Variants in BCAS3 observed in about 807,000 individuals in gnomAD.
The protein encoded by BCAS3 is BCAS3 microtubule associated cell migration factor, also known as BCAS4/BCAS3 fusion.
In BCAS3, 53 loss-of-function variants were observed where a neutral mutation model predicts 116.1. The observed-to-expected ratio is 0.46, with a 90% CI of 0.37 to 0.57. BCAS3 has a LOEUF of 0.57. Among genes scored for constraint, BCAS3 ranks in the 20% least tolerant of loss-of-function variants. The pLI, the probability that BCAS3 is intolerant of heterozygous loss-of-function variation, is 0.00. For synonymous variants in BCAS3, 391 were observed against 408.2 expected, an observed-to-expected ratio of 0.96 and a Z score of 0.51; for missense variants, 917 against 1,165.4, an observed-to-expected ratio of 0.79 and a Z score of 3.10.
chr17:60,872,079 T>A (rs1262735066), intron 8 of BCAS3, among the ~76,000 whole-genome samples: 1 of 152,082 alleles, frequency 6.6e-6, no homozygotes, highest in East Asian at 1.9e-4. Flanking sequence ...TTCAGCTCTT[T>A]TGTTACTATA....
chr17:61,272,622 G>A (rs2050381045), intron 22 of BCAS3, among the ~76,000 whole-genome samples: 1 of 96,386 alleles, frequency 1.0e-5, no homozygotes, highest in Admixed American at 1.7e-4. Flanking sequence ...TGGTGACAGA[G>A]TGAAACCCTG....
rs1017117017 is a variant in BCAS3 at position 61,161,608 on chromosome 17, G to A, written c.2425+77044G>A. On this transcript the variant is annotated intron_variant, in intron 22 of 23. Coordinates refer to ENST00000407086, the MANE Select transcript of BCAS3 (RefSeq NM_017679.5). This position sits in a 1 kb window ranked among gnomAD's most constrained non-coding sequence, Gnocchi z 4.8. ...CACATTTCTGAATGAAAAGATAGAC[G>A]ATGTCTTTATTTTAAACAATCTAGT... Among the ~76,000 whole-genome samples the A allele has an allele frequency of 3.3e-5, 5 of 152,014 alleles. No individual in the cohort carries two copies. The highest frequency in any genetic ancestry group is 1.2e-4 in the African/African-American group (5 of 41,374).
Position 60,910,526 on chromosome 17 carries a change from G to C in BCAS3, c.823-6G>C. On this transcript the variant is annotated splice_polypyrimidine_tract_variant and splice_region_variant and intron_variant, in intron 11 of 23. Transcript: ENST00000407086. ...GAAGTCATACATTTTACCTTTCATT[G>C]TACAGACATTGAAAAGTGGCCTGAC... The C allele has an allele frequency of 6.3e-7, 1 of 1,598,388 alleles. No homozygotes were observed. Among genetic ancestry groups the C allele is most frequent in the Non-Finnish European group, 8.5e-7 (1 of 1,172,758 alleles).
chr17:61,304,785 C>T (rs1008886891), intron 22 of BCAS3, among the ~76,000 whole-genome samples: 3 of 151,190 alleles, frequency 2.0e-5, no homozygotes, highest in Admixed American at 1.3e-4. Context: ...CGGAGTTTCG[C>T]TCTTGTCGCC....
intron 6 of BCAS3, among the ~76,000 whole-genome samples, chr17:60,793,832 C>G (rs910631004): frequency 7.9e-5 from 12 of 152,062 alleles, no homozygotes; most frequent in Non-Finnish European, 1.3e-4. Context: ...GGGTTGGCTC[C>G]ATGATTTTGC....
At chr17:60,929,419 G>T (rs1331511395) in intron 13 of BCAS3, among the ~76,000 whole-genome samples, 1 of 152,030 alleles carries the variant, frequency 6.6e-6, no homozygotes, top group African/African-American at 2.4e-5. Context: ...CAGAGTAAGA[G>T]CCTGTCTGGA....
intron 14 of BCAS3, among the ~76,000 whole-genome samples, chr17:60,976,020 C>CTTTTTGTTTTTTTT (rs2062326324): frequency 1.0e-5 from 1 of 98,286 alleles, no homozygotes; most frequent in Non-Finnish European, 1.8e-5. Context: ...TAGATTTTTG[C>CTTTTTGTTTTTTTT]TTTTTTTTTT....
intron 14 of BCAS3, among the ~76,000 whole-genome samples, chr17:60,959,168 C>T (rs2061292358): frequency 6.6e-6 from 1 of 151,854 alleles, no homozygotes; most frequent in Admixed American, 6.6e-5. Context: ...TTAGCCAGGC[C>T]TGGTGGTGCA....
At chr17:61,247,746 G>T (rs1447007542) in intron 22 of BCAS3, among the ~76,000 whole-genome samples, 1 of 152,110 alleles carries the variant, frequency 6.6e-6, no homozygotes, top group African/African-American at 2.4e-5. Flanking sequence ...TACCTGATGA[G>T]TGGCTGGAGA....
In BCAS3 at chr17:61,387,704, C is replaced by T. The variant is rs1017093173; in HGVS notation, c.2594-4273C>T. 5.9e-5 allele frequency among the ~76,000 whole-genome samples: 9 copies of T among 152,174 alleles called. No individual in the cohort carries two copies. The highest frequency in any genetic ancestry group is 2.2e-4 in the African/African-American group (9 of 41,434). On this transcript the variant is annotated intron_variant, in intron 23 of 23. Coordinates refer to ENST00000407086, the MANE Select transcript of BCAS3 (RefSeq NM_017679.5). The surrounding 1 kb of genome is among the most constrained non-coding windows in gnomAD (Gnocchi z 6.2). ...GGCTCTCCAGCATGGGCATGGGGGC[C>T]GGTCTTAGTGATGCCGGAGCTGCCA...
In BCAS3 at chr17:61,332,491, G is replaced by C. The variant is rs924834328; in HGVS notation, c.2426-35836G>C. ...CATATTGAAAGGAGGGAAACAATTT[G>C]ACAGCAAGAAAAGAATCTCCTAAAG... On this transcript the variant is annotated intron_variant, in intron 22 of 23. Transcript: ENST00000407086. The surrounding 1 kb of genome is among the most constrained non-coding windows in gnomAD (Gnocchi z 5.4). 6.6e-6 allele frequency among the ~76,000 whole-genome samples: 1 copy of C among 152,156 alleles called. No individual in the cohort carries two copies. Among genetic ancestry groups the C allele is most frequent in the Non-Finnish European group, 1.5e-5 (1 of 68,030 alleles).
At chr17:60,735,343 G>A in intron 5 of BCAS3, among the ~76,000 whole-genome samples, 1 of 144,114 alleles carries the variant, frequency 6.9e-6, no homozygotes, top group African/African-American at 2.9e-5. Flanking sequence ...CTAGGGTCAT[G>A]TTAAAAAACC....
chr17:60,755,684 T>G (rs1400477284), intron 6 of BCAS3, among the ~76,000 whole-genome samples: 1 of 152,222 alleles, frequency 6.6e-6, no homozygotes, highest in African/African-American at 2.4e-5. Context: ...ATATTAGATA[T>G]TCTTCTTTTC....
At chr17:60,951,764 C>CTTTTTTTTTTTT (rs769133578) in intron 14 of BCAS3, among the ~76,000 whole-genome samples, 12 of 109,504 alleles carry the variant, frequency 1.1e-4, no homozygotes, top group East Asian at 2.5e-4. Context: ...TCTTTTCTTT[C>CTTTTTTTTTTTT]TTTTTTTTTT....
chr17:61,294,916 T>C (rs1284190385), intron 22 of BCAS3, among the ~76,000 whole-genome samples: 7 of 152,194 alleles, frequency 4.6e-5, no homozygotes, highest in Admixed American at 4.6e-4. Context: ...CTATGGTGCC[T>C]TCAGTATGAC....
At chr17:60,725,226 A>G (rs553346896) in intron 5 of BCAS3, among the ~76,000 whole-genome samples, 15 of 152,280 alleles carry the variant, frequency 9.9e-5, no homozygotes, top group African/African-American at 3.6e-4. Context: ...GATGTGTAGT[A>G]ATTCTTATAC....
Position 60,747,231 on chromosome 17 carries a change from C to G in BCAS3, c.355C>G (p.Arg119Gly). 2 of 1,613,198 alleles carry G rather than the reference C, an allele frequency of 1.2e-6. No individual in the cohort carries two copies. The highest frequency in any genetic ancestry group is 1.7e-6 in the Non-Finnish European group (2 of 1,179,264). The part of the protein sequence containing the change: ...SGEAQELFSV[R>G]HGPIRAARIL... ...TGAAGCACAAGAGCTCTTCTCTGTT[C>G]GACATGGCCCAATTCGAGCGGCTAG... The change falls in exon 6 of 24, where the codon CGA (arginine) becomes GGA (glycine). Residue 119 changes from arginine (R) to glycine (G), a missense_variant. By Grantham distance (125) the Arg-to-Gly change is moderately radical (BLOSUM62 -2). Transcript: ENST00000407086.
At chr17:61,155,195 A>G (rs2077761927) in intron 22 of BCAS3, among the ~76,000 whole-genome samples, 1 of 152,182 alleles carries the variant, frequency 6.6e-6, no homozygotes, top group Non-Finnish European at 1.5e-5. Context: ...CAGAGCATGG[A>G]TTAAAGAAAC....
intron 22 of BCAS3, among the ~76,000 whole-genome samples, chr17:61,252,184 TCA>T (rs2144551223): frequency 1.3e-5 from 2 of 152,334 alleles, no homozygotes; most frequent in Admixed American, 1.3e-4. Context: ...TGTTTAGAGT[TCA>T]GTTTCTGATG....
Sources: allele counts gnomAD v4.1 joint callset (sites outside exome capture counted in the v4.1 genomes callset), GRCh38; gene constraint gnomAD v4.1.1; non-coding constraint Gnocchi (gnomAD v3.1); transcripts MANE v1.5; gene names NCBI Gene and HGNC (gene_info 2026-07-23, HGNC 2026-07-21).